The following ASCC3 variants were observed in gnomAD, a reference collection of about 807,000 sequenced individuals.
ASCC3 encodes activating signal cointegrator 1 complex subunit 3, also known as ASC-1 complex subunit P200.
ASCC3 carries 158 observed loss-of-function variants against 256.3 expected under a neutral mutation model. The observed-to-expected ratio is 0.62, with a 90% confidence interval of 0.54 to 0.70. The LOEUF is 0.70. Ranked by LOEUF, ASCC3 falls within the 30% of genes least tolerant of loss-of-function variation. The probability of loss-of-function intolerance (pLI) is 0.00; values close to 1 mark genes in which losing one functional copy is unlikely to be tolerated. For synonymous variants in ASCC3, 948 were observed against 883.4 expected, an observed-to-expected ratio of 1.07 and a Z score of -1.30; for missense variants, 2,259 against 2,626.0, an observed-to-expected ratio of 0.86 and a Z score of 3.05.
At chr6:100,764,437 C>T (rs1013341981) in intron 10 of ASCC3, among the ~76,000 whole-genome samples, 1 of 152,014 alleles carries the variant, frequency 6.6e-6, no homozygotes, top group African/African-American at 2.4e-5. Context: ...TTGAGCAATG[C>T]TATTTTAGAA....
At chr6:100,529,006 T>C (rs1774732805) in intron 37 of ASCC3, among the ~76,000 whole-genome samples, 1 of 152,188 alleles carries the variant, frequency 6.6e-6, no homozygotes, top group Non-Finnish European at 1.5e-5. Context: ...TTTGAAGTTT[T>C]TCAAAAAGAA....
chr6:100,524,965 G>A (rs1290862591), intron 37 of ASCC3, among the ~76,000 whole-genome samples: 1 of 151,658 alleles, frequency 6.6e-6, no homozygotes, highest in Non-Finnish European at 1.5e-5. Context: ...GCCAAGGCAG[G>A]ACAATCACTT....
intron 36 of ASCC3, among the ~76,000 whole-genome samples, chr6:100,546,976 T>C (rs1040373042): frequency 2.0e-5 from 3 of 152,084 alleles, no homozygotes; most frequent in African/African-American, 7.2e-5. Context: ...CATGATGGAT[T>C]CTTAAGCATG....
chr6:100,538,985 C>G (rs1582411728), intron 37 of ASCC3, among the ~76,000 whole-genome samples: 1 of 152,128 alleles, frequency 6.6e-6, no homozygotes, highest in African/African-American at 2.4e-5. Flanking sequence ...CAATCATCCC[C>G]CAGTAATGTC....
In ASCC3 at chr6:100,607,070, T is replaced by C; in HGVS notation, c.4804A>G (p.Thr1602Ala). The C allele has an allele frequency of 6.2e-7, 1 of 1,613,662 alleles. No homozygotes were observed. Among genetic ancestry groups the C allele is most frequent in the Non-Finnish European group, 8.5e-7 (1 of 1,179,768 alleles). ...DEREMENIIA[T>A]VRDSNLKLTL... The stretch of plus-strand genomic sequence containing the variant: ...AGCTTGAGGTTGGAATCTCTTACTG[T>C]TGCAATGATGTTCTCCATCTGCAAG... The change falls in exon 31 of 42, where the codon ACA becomes GCA. Residue 1602 changes from threonine (T) to alanine (A), a missense_variant. This residue lies in a region of ASCC3 where 1,839 missense variants were observed against 2,206.7 expected (regional missense o/e 0.83). Coordinates refer to ENST00000369162, the MANE Select transcript of ASCC3 (RefSeq NM_006828.4).
chr6:100,580,828 C>A (rs919004699), intron 36 of ASCC3, among the ~76,000 whole-genome samples: 2 of 148,156 alleles, frequency 1.3e-5, no homozygotes, highest in African/African-American at 5.0e-5. Flanking sequence ...TGAGAATATG[C>A]GGTGTTTGGT....
In ASCC3 at chr6:100,766,627, T is replaced by A; in HGVS notation, c.1675A>T (p.Ile559Phe). The part of the protein sequence containing the change: ...YFSRRLEPLG[I>F]IVKELTGDMQ... Reference sequence around the variant, plus strand: ...TCACCAGTCAATTCTTTCACAATGATGCCTAGTGGCTCTAGACGTCTGCTG... The same window carrying A: ...TCACCAGTCAATTCTTTCACAATGAAGCCTAGTGGCTCTAGACGTCTGCTG... The change falls in exon 10 of 42, where the codon ATC becomes TTC. Residue 559 changes from isoleucine (I) to phenylalanine (F), a missense_variant. Physicochemically the swap from Ile to Phe is conservative, Grantham distance 21. Around this residue, in one of 2 missense-constraint regions of ASCC3, gnomAD observed 1,839 missense variants for 2,206.7 expected, o/e 0.83. Coordinates refer to ENST00000369162, the MANE Select transcript of ASCC3 (RefSeq NM_006828.4). The A allele has an allele frequency of 6.2e-7, 1 of 1,614,060 alleles. No homozygotes were observed. The highest frequency in any genetic ancestry group is 8.5e-7 in the Non-Finnish European group (1 of 1,179,950).
chr6:100,746,748 T>C (rs1372304308), intron 10 of ASCC3, among the ~76,000 whole-genome samples: 4 of 152,074 alleles, frequency 2.6e-5, no homozygotes, highest in Non-Finnish European at 5.9e-5. Context: ...AAAATAACTT[T>C]GAAAAAGAAC....
intron 14 of ASCC3, among the ~76,000 whole-genome samples, chr6:100,678,395 TAA>T (rs1323868759): frequency 1.3e-5 from 2 of 152,098 alleles, no homozygotes; most frequent in Non-Finnish European, 2.9e-5. Flanking sequence ...ATCTGTACAA[TAA>T]GTGTTAGGTA....
At position 100,557,852 on chromosome 6, in the gene ASCC3, T is replaced by C. The variant is rs373693440; in HGVS notation, c.5551-17465A>G. On this transcript the variant is annotated intron_variant, in intron 36 of 41. Coordinates refer to ENST00000369162, the MANE Select transcript of ASCC3 (RefSeq NM_006828.4). ...TTTTAAAATAAGTAAAAGAATATAA[T>C]TGGATTATTTGTAACACATAAAATA... Among the ~76,000 whole-genome samples, 16 of 151,802 alleles carry C rather than the reference T, an allele frequency of 1.1e-4. No homozygotes were observed. In the South Asian group the frequency reaches 2.9e-3, roughly 28 times the overall value.
chr6:100,794,783 G>A (rs963373389), intron 8 of ASCC3, among the ~76,000 whole-genome samples: 4 of 151,930 alleles, frequency 2.6e-5, no homozygotes, highest in African/African-American at 9.7e-5. Flanking sequence ...CAAGTGTTAT[G>A]TTTGGGCCAG....
In ASCC3 at chr6:100,731,717, C is replaced by A. The variant is rs116203841; in HGVS notation, c.1738-6014G>T. Among the ~76,000 whole-genome samples the A allele has an allele frequency of 1.5e-3, 223 of 152,220 alleles. 1 individual carries two copies. Among genetic ancestry groups the A allele is most frequent in the African/African-American group, 5.2e-3 (217 of 41,540 alleles). On this transcript the variant is annotated intron_variant, in intron 10 of 41. Transcript: ENST00000369162. The stretch of plus-strand genomic sequence containing the variant: ...TATTGTAAAGTTGTGTTTTTCAAAT[C>A]GGACTGGTTTGTGTGCCCTTTGAAA...
chr6:100,812,231 A>T (rs554368848), intron 4 of ASCC3, among the ~76,000 whole-genome samples: 1 of 152,196 alleles, frequency 6.6e-6, no homozygotes, highest in Non-Finnish European at 1.5e-5. Context: ...TCCACAATAT[A>T]TTAACTAAAA....
chr6:100,831,244 T>G (rs903329686), intron 4 of ASCC3, among the ~76,000 whole-genome samples: 6 of 151,524 alleles, frequency 4.0e-5, no homozygotes, highest in African/African-American at 1.5e-4. Flanking sequence ...AAAAGGAGGA[T>G]GCCTGCTGAG....
At chr6:100,586,172 C>T (rs200773839) in intron 36 of ASCC3, among the ~76,000 whole-genome samples, 4 of 152,318 alleles carry the variant, frequency 2.6e-5, no homozygotes, top group South Asian at 4.1e-4. Context: ...TTTGTCTGTG[C>T]CCTGTCCCCA....
intron 37 of ASCC3, among the ~76,000 whole-genome samples, chr6:100,523,419 G>A (rs1774403938): frequency 6.6e-6 from 1 of 152,110 alleles, no homozygotes; most frequent in Admixed American, 6.6e-5. Flanking sequence ...ATACTAAGCA[G>A]GAAATAAGCT....
At chr6:100,614,458 A>G (rs568297802) in intron 30 of ASCC3, among the ~76,000 whole-genome samples, 1 of 152,330 alleles carries the variant, frequency 6.6e-6, no homozygotes, top group South Asian at 2.1e-4. Flanking sequence ...ATGTTTCGGT[A>G]TCTTAAACGT....
chr6:100,779,581 CAT>C (rs1330039493), intron 8 of ASCC3, among the ~76,000 whole-genome samples: 1 of 152,148 alleles, frequency 6.6e-6, no homozygotes, highest in Non-Finnish European at 1.5e-5. Context: ...TCATATTTTA[CAT>C]GAGTGAGCCA....
intron 33 of ASCC3, among the ~76,000 whole-genome samples, chr6:100,603,338 T>C (rs896876604): frequency 2.0e-5 from 3 of 152,048 alleles, no homozygotes; most frequent in Non-Finnish European, 4.4e-5. Flanking sequence ...GTGAACACAG[T>C]TGTGTAATCA....
Sources: gnomAD v4.1 joint callset for allele counts (sites outside exome capture counted in the v4.1 genomes callset) on GRCh38, gnomAD v4.1.1 for gene constraint, gnomAD v4.1.1 regional missense constraint, MANE v1.5 for transcripts, NCBI Gene and HGNC (gene_info 2026-07-23, HGNC 2026-07-21) for gene names.